The following MAPK10 variants were observed in gnomAD, a reference collection of about 807,000 sequenced individuals.
MAPK10 encodes JNK3 alpha protein kinase.
In MAPK10, 25 loss-of-function variants were observed where a neutral mutation model predicts 59.3. The ratio of observed to expected loss-of-function variants is 0.42; its 90% confidence interval spans 0.31 to 0.59. The LOEUF (loss-of-function observed/expected upper bound fraction) is 0.59. MAPK10 is among the 20% of genes least tolerant of loss of function. MAPK10 has a pLI of 0.15. For missense variants in MAPK10, 351 were observed against 568.9 expected (o/e 0.62, Z 3.90); for synonymous variants, 190 against 200.5 (o/e 0.95, Z 0.44).
intron 3 of MAPK10, among the ~76,000 whole-genome samples, chr4:86,187,582 G>A (rs1412227152): frequency 6.6e-6 from 1 of 152,094 alleles, no homozygotes; most frequent in East Asian, 1.9e-4. Flanking sequence ...CTACTGTAAA[G>A]AATGAAACTA....
chr4:86,195,091 TATG>T (rs2080975157), intron 2 of MAPK10, among the ~76,000 whole-genome samples: 1 of 152,202 alleles, frequency 6.6e-6, no homozygotes. Context: ...TCATTTTCTG[TATG>T]TTCAAAATAT....
intron 2 of MAPK10, among the ~76,000 whole-genome samples, chr4:86,281,506 AAAAATAAAAT>A (rs141438558): frequency 0.11 from 16,064 of 148,566 alleles, 972 homozygotes; most frequent in East Asian, 0.21. Flanking sequence ...CCTCAAAATA[AAAAATAAAAT>A]AAAATAAAAT....
At chr4:86,139,474 A>G (rs1278100953) in intron 4 of MAPK10, among the ~76,000 whole-genome samples, 2 of 151,552 alleles carry the variant, frequency 1.3e-5, no homozygotes, top group East Asian at 3.9e-4. Flanking sequence ...AAAACTGGCT[A>G]GCCATATGTA....
intron 1 of MAPK10, among the ~76,000 whole-genome samples, chr4:86,522,508 T>C (rs77908314): frequency 0.047 from 7,114 of 152,234 alleles, 219 homozygotes; most frequent in African/African-American, 0.059. Flanking sequence ...TGATTAATAG[T>C]GCATTTCAAT....
At chr4:86,387,073 T>C (rs1333809119) in intron 1 of MAPK10, among the ~76,000 whole-genome samples, 3 of 152,136 alleles carry the variant, frequency 2.0e-5, no homozygotes, top group Non-Finnish European at 2.9e-5. Context: ...CAGAAGTCTA[T>C]GGAAAAGACA....
At chr4:86,103,047 T>C (rs2055789723) in intron 6 of MAPK10, 139 bp downstream of exon 6, 3 of 607,802 alleles carry the variant, frequency 4.9e-6, no homozygotes, top group Admixed American at 2.5e-5. Context: ...CTCTTACCTC[T>C]CTTTGAGCAG....
chr4:86,163,537 G>GA (rs201121903), intron 3 of MAPK10, among the ~76,000 whole-genome samples: 130 of 151,386 alleles, frequency 8.6e-4, no homozygotes, highest in African/African-American at 2.8e-3. Context: ...AACCTACAAA[G>GA]AAAAAAAAAT....
chr4:86,159,939 A>C (rs1299137568), intron 3 of MAPK10, among the ~76,000 whole-genome samples: 2 of 152,022 alleles, frequency 1.3e-5, no homozygotes, highest in Non-Finnish European at 2.9e-5. Context: ...CTAAGATACA[A>C]ACTTATGTAA....
chr4:86,245,363 G>A (rs1211551085), intron 2 of MAPK10, among the ~76,000 whole-genome samples: 1 of 149,680 alleles, frequency 6.7e-6, no homozygotes, highest in East Asian at 2.0e-4. Context: ...CCAGACTGGA[G>A]TGCAATGATG....
intron 1 of MAPK10, among the ~76,000 whole-genome samples, chr4:86,535,521 A>G (rs1758173660): frequency 6.6e-6 from 1 of 152,030 alleles, no homozygotes; most frequent in Non-Finnish European, 1.5e-5. Flanking sequence ...TCATCTCGCT[A>G]ATTTTTTGTT....
chr4:86,174,024 G>A (rs531774386), intron 3 of MAPK10, among the ~76,000 whole-genome samples: 3 of 144,502 alleles, frequency 2.1e-5, no homozygotes, highest in Admixed American at 6.8e-5. Flanking sequence ...CTGTTGGTGG[G>A]AATATAAATT....
chr4:86,128,206 T>C (rs1405655531), intron 4 of MAPK10, among the ~76,000 whole-genome samples: 1 of 152,134 alleles, frequency 6.6e-6, no homozygotes, highest in South Asian at 2.1e-4. Context: ...CCAACTCATT[T>C]GTTTCTAAAG....
At chr4:86,311,578 T>G (rs1021307102) in intron 2 of MAPK10, among the ~76,000 whole-genome samples, 2 of 152,140 alleles carry the variant, frequency 1.3e-5, no homozygotes, top group Admixed American at 1.3e-4. Flanking sequence ...TTTGCAGAAA[T>G]AGTCTACATA....
intron 11 of MAPK10, among the ~76,000 whole-genome samples, chr4:86,061,907 G>A (rs903636755): frequency 2.6e-5 from 4 of 152,112 alleles, no homozygotes; most frequent in Non-Finnish European, 4.4e-5. Context: ...TGTCAGCCCC[G>A]GCAGAAGATA....
intron 13 of MAPK10, chr4:86,027,037 GGTA>G (rs2148909444): frequency 6.6e-6 from 1 of 152,230 alleles, no homozygotes; most frequent in East Asian, 1.9e-4. Flanking sequence ...GTCATGAGCT[GGTA>G]GAGTCAGCGC....
intron 2 of MAPK10, among the ~76,000 whole-genome samples, chr4:86,317,885 A>C (rs1302861363): frequency 2.0e-5 from 3 of 152,168 alleles, no homozygotes; most frequent in Non-Finnish European, 4.4e-5. Flanking sequence ...CGGCAGGACC[A>C]TGCTCTCTCT....
Position 86,279,753 on chromosome 4 carries a change from G to A in MAPK10, c.-7+74777C>T, listed in dbSNP as rs76110746. Among the ~76,000 whole-genome samples, 326 of 152,182 alleles carry A rather than the reference G, an allele frequency of 2.1e-3. 5 individuals carry two copies. The East Asian group carries it at 0.025, about 12-fold the overall frequency. On this transcript the variant is annotated intron_variant, in intron 2 of 13. Coordinates refer to ENST00000641462, the MANE Select transcript of MAPK10 (RefSeq NM_138982.4). ...TCCTGAAAGGATAATGAGTGAAGGG[G>A]CAAATTAGCAGAATCAAGGAAGCAG...
At chr4:86,159,242 T>C in intron 4 of MAPK10, 56 bp downstream of exon 4, 1 of 1,350,870 alleles carries the variant, frequency 7.4e-7, no homozygotes, top group Admixed American at 2.5e-5. Flanking sequence ...TGTTTGTGTC[T>C]AGTAGTTGCA....
intron 2 of MAPK10, among the ~76,000 whole-genome samples, chr4:86,290,289 G>C (rs1384766989): frequency 6.6e-6 from 1 of 152,218 alleles, no homozygotes; most frequent in Non-Finnish European, 1.5e-5. Flanking sequence ...TGTGACAAGA[G>C]CTGCTAAGAA....
Sources: gnomAD v4.1 joint callset for allele counts (sites outside exome capture counted in the v4.1 genomes callset) on GRCh38, gnomAD v4.1.1 for gene constraint, MANE v1.5 for transcripts, NCBI Gene and HGNC (gene_info 2026-07-23, HGNC 2026-07-21) for gene names.